Variants in SLC12A3 observed in about 807,000 individuals in gnomAD.
The protein encoded by SLC12A3 is solute carrier family 12 member 3.
SLC12A3 carries 104 observed loss-of-function variants against 121.0 expected under a neutral mutation model. The ratio of observed to expected loss-of-function variants is 0.86; its 90% CI spans 0.73 to 1.01. The LOEUF is 1.01. Among genes scored for constraint, SLC12A3 ranks in the 50% least tolerant of loss-of-function variants. The probability of loss-of-function intolerance (pLI) is 0.00; values close to 1 mark genes in which losing one functional copy is unlikely to be tolerated. For missense variants in SLC12A3, 1,328 were observed against 1,356.3 expected (o/e 0.98, Z 0.33); for synonymous variants, 536 against 533.4 (o/e 1.00, Z -0.07).
chr16:56,897,023 C>T (rs1360737991), intron 22 of SLC12A3, among the ~76,000 whole-genome samples: 2 of 151,084 alleles, frequency 1.3e-5, no homozygotes, highest in Non-Finnish European at 2.9e-5. Flanking sequence ...ACCTGGGAGG[C>T]GAAGGTTGCA....
At chr16:56,878,050 C>G in intron 8 of SLC12A3, 27 bp from the exon 9 acceptor site, 1 of 701,704 alleles carries the variant, frequency 1.4e-6, no homozygotes, top group African/African-American at 1.8e-5. Context: ...CTCCCTCCCT[C>G]CCTCCCTCTC....
At chr16:56,868,897 G>A (rs1964423510) in intron 3 of SLC12A3, among the ~76,000 whole-genome samples, 1 of 152,012 alleles carries the variant, frequency 6.6e-6, no homozygotes, top group South Asian at 2.1e-4. Context: ...GCTTGAACCT[G>A]GGAGGCAGAG....
chr16:56,885,562 C>G (rs1257553174), intron 15 of SLC12A3, among the ~76,000 whole-genome samples, 198 bp downstream of exon 15: 2 of 152,160 alleles, frequency 1.3e-5, no homozygotes, highest in African/African-American at 4.8e-5. Flanking sequence ...GGGGACCAAG[C>G]AAGTCAAGGG....
rs189058284 is a variant in SLC12A3, at chr16:56,899,119, G to A, written c.2634-411G>A. 2.6e-5 allele frequency among the ~76,000 whole-genome samples: 4 copies of A among 152,286 alleles called. No homozygotes were observed. The East Asian group carries it at 7.7e-4, about 29-fold the overall frequency. On this transcript the variant is annotated intron_variant, in intron 22 of 25. Transcript: ENST00000563236. ...TGTGGGTATTCGTTTCCTGTCTGCC[G>A]CTACCCCCATGTTCTACAAGCGCAG...
At chr16:56,870,810 C>T (rs537768687) in intron 6 of SLC12A3, 74 bp downstream of exon 6, 1 of 823,334 alleles carries the variant, frequency 1.2e-6, no homozygotes, top group South Asian at 1.4e-5. Flanking sequence ...CCTGGGCCCT[C>T]CCTGGTCCTC....
Position 56,879,179 on chromosome 16 carries a change from G to A in SLC12A3, c.1287G>A (p.Glu429=), listed in dbSNP as rs749722912. Residue 429 remains glutamate, a synonymous_variant, in exon 10 of 26, where the codon GAG becomes GAA. Transcript: ENST00000563236. ...LACSYGWNFT[E]CTQQHSCHYG... ...GCAGCTATGGCTGGAACTTCACCGA[G>A]TGCACCCAGCAGCACAGCTGCCACT... 2 of 1,613,194 alleles carry A rather than the reference G, an allele frequency of 1.2e-6. No individual in the cohort carries two copies. Among genetic ancestry groups the A allele is most frequent in the South Asian group, 1.1e-5 (1 of 91,086 alleles).
chr16:56,878,841 C>T (rs1334004300), intron 9 of SLC12A3, among the ~76,000 whole-genome samples: 4 of 152,192 alleles, frequency 2.6e-5, no homozygotes, highest in Non-Finnish European at 5.9e-5. Flanking sequence ...AAGCTCTCTG[C>T]GCCTCTGTAA....
chr16:56,898,506 C>T lies in SLC12A3; in HGVS notation c.2634-1024C>T, dbSNP rs376309010. On this transcript the variant is annotated intron_variant, in intron 22 of 25. Coordinates refer to ENST00000563236, the MANE Select transcript of SLC12A3 (RefSeq NM_001126108.2). ...ATCTCCTGACCTCGTGATCCACCTG[C>T]CTCGGCCTCTCAAAGTGCTGGGATT... 1.2e-4 allele frequency among the ~76,000 whole-genome samples: 19 copies of T among 152,272 alleles called. 1 individual carries two copies. Among genetic ancestry groups the T allele is most frequent in the African/African-American group, 4.3e-4 (18 of 41,540 alleles).
chr16:56,887,442 G>T (rs1232501664), intron 17 of SLC12A3, among the ~76,000 whole-genome samples: 1 of 151,858 alleles, frequency 6.6e-6, no homozygotes, highest in Non-Finnish European at 1.5e-5. Context: ...CCTGACCTCA[G>T]GTGATCCACC....
chr16:56,903,266 C>T (rs1248899743), intron 24 of SLC12A3, among the ~76,000 whole-genome samples: 1 of 152,188 alleles, frequency 6.6e-6, no homozygotes, highest in African/African-American at 2.4e-5. Flanking sequence ...CTGGACAGCA[C>T]CTTCAGGACT....
At position 56,892,150 on chromosome 16, in the gene SLC12A3, C is replaced by A; in HGVS notation, c.2419+17C>A. On this transcript the variant is annotated intron_variant, in intron 20 of 25. Transcript: ENST00000563236. ...GCGCCAGAGGTGCCAGGCCATCAGT[C>A]TCTGGCGCTTGTCAGTGTTCCCACT... 6.2e-7 allele frequency: 1 copy of A among 1,612,810 alleles called. No homozygotes were observed. The highest frequency in any genetic ancestry group is 1.1e-5 in the South Asian group (1 of 90,998).
At chr16:56,910,880 T>C (rs1179190835) in intron 25 of SLC12A3, among the ~76,000 whole-genome samples, 1 of 152,242 alleles carries the variant, frequency 6.6e-6, no homozygotes, top group African/African-American at 2.4e-5. Context: ...AACAGTTTTA[T>C]TTCTGAAGAT....
Position 56,902,462 on chromosome 16 carries a change from GC to G in SLC12A3, c.2814del (p.Trp939GlyfsTer19), listed in dbSNP as rs1250318081. 6.2e-7 allele frequency: 1 copy of G among 1,609,370 alleles called. No individual in the cohort carries two copies. Among genetic ancestry groups the G allele is most frequent in the Admixed American group, 1.7e-5 (1 of 59,662 alleles). On this transcript the variant is annotated frameshift_variant, in exon 24 of 26. Transcript: ENST00000563236. LOFTEE classifies it high-confidence loss of function. ...ACTGTCAACGAGATGCGGCGGGACT[GC>G]CCCTGGAAGATCTCAGATGAGGAGA... ...EATVNEMRRD[C>X]PWKISDEEIT...
chr16:56,893,479 GAAC>G (rs1352553540), intron 21 of SLC12A3, among the ~76,000 whole-genome samples: 1 of 152,194 alleles, frequency 6.6e-6, no homozygotes, highest in East Asian at 1.9e-4. Context: ...CGCTCCAATG[GAAC>G]GAGTCCTATT....
intron 13 of SLC12A3, 151 bp from the exon 14 acceptor site, chr16:56,883,898 G>A (rs770912739): frequency 1.1e-4 from 80 of 749,168 alleles, no homozygotes; most frequent in Non-Finnish European, 1.6e-4. Context: ...AGCCCAGGAG[G>A]CAGGGTGGGT....
intron 12 of SLC12A3, among the ~76,000 whole-genome samples, chr16:56,881,952 G>A (rs536921099): frequency 1.3e-5 from 2 of 151,842 alleles, no homozygotes; most frequent in Non-Finnish European, 2.9e-5. Flanking sequence ...GGGAGGCTGA[G>A]GCAGGAGAAT....
chr16:56,894,493 G>A lies in SLC12A3; in HGVS notation c.2522-38G>A, dbSNP rs769606757. 4.2e-6 allele frequency: 6 copies of A among 1,443,758 alleles called. No homozygotes were observed. The Admixed American group carries it at 1.0e-4, about 25-fold the overall frequency. 89.4% of individuals were successfully genotyped at this position (1,443,758 alleles called of 1,614,324 possible). A position where few individuals can be genotyped will look rare whatever the true frequency, so the allele number is the denominator to read the frequency against. ...ACTCACATAGTGCTCTGTCCTGAGTGTATTCTTGTCATGACTCACGGGGAC... is the reference window on the plus strand; with the variant it reads ...ACTCACATAGTGCTCTGTCCTGAGTATATTCTTGTCATGACTCACGGGGAC... On this transcript the variant is annotated intron_variant, in intron 21 of 25. Transcript: ENST00000563236.
chr16:56,878,003 G>C, intron 8 of SLC12A3, 74 bp from the exon 9 acceptor site: 1 of 768,838 alleles, frequency 1.3e-6, no homozygotes, highest in South Asian at 1.6e-5. Context: ...AGGCCCAGGG[G>C]CTGCCTAATG....
Position 56,913,409 on chromosome 16 carries a change from C to G in SLC12A3, c.*4C>G, listed in dbSNP as rs1328173715. The G allele has an allele frequency of 3.1e-6, 5 of 1,613,974 alleles. No homozygotes were observed. The African/African-American group carries it at 6.7e-5, about 22-fold the overall frequency. On this transcript the variant is annotated 3_prime_UTR_variant, in exon 26 of 26. Transcript: ENST00000563236. ...GCTCACCTTTTACTGCCAGTAACTCCAGGCTTTGACATCCCTGTCCACAGC... is the reference window on the plus strand; with the variant it reads ...GCTCACCTTTTACTGCCAGTAACTCGAGGCTTTGACATCCCTGTCCACAGC...
Sources: allele counts gnomAD v4.1 joint callset (sites outside exome capture counted in the v4.1 genomes callset), GRCh38; gene constraint gnomAD v4.1.1; transcripts MANE v1.5; gene names NCBI Gene and HGNC (gene_info 2026-07-23, HGNC 2026-07-21).